The following ITGA8 variants were observed in gnomAD, a reference collection of about 807,000 sequenced individuals.
The protein encoded by ITGA8 is integrin alpha-8.
In ITGA8, 91 loss-of-function variants were observed where a neutral mutation model predicts 142.3. The observed-to-expected ratio is 0.64, with a 90% CI of 0.54 to 0.76. The LOEUF is 0.76. Among genes scored for constraint, ITGA8 ranks in the 30% least tolerant of loss-of-function variants. The pLI, the probability that ITGA8 is intolerant of heterozygous loss-of-function variation, is 0.00. For missense variants in ITGA8, 1,406 were observed against 1,327.7 expected (o/e 1.06, Z -0.92); for synonymous variants, 505 against 485.2 (o/e 1.04, Z -0.54).
intron 21 of ITGA8, among the ~76,000 whole-genome samples, chr10:15,592,644 A>C (rs1056189313): frequency 2.0e-5 from 3 of 152,184 alleles, no homozygotes; most frequent in African/African-American, 7.2e-5. Context: ...TCGCTCCGTC[A>C]CCCAGGCTGG....
chr10:15,543,286 A>T (rs890972702), intron 27 of ITGA8, among the ~76,000 whole-genome samples: 1 of 152,250 alleles, frequency 6.6e-6, no homozygotes, highest in East Asian at 1.9e-4. Flanking sequence ...TCAGGGGCAT[A>T]TCTCCTAGAA....
At chr10:15,545,821 TATTA>T (rs1833658064) in intron 27 of ITGA8, among the ~76,000 whole-genome samples, 1 of 152,266 alleles carries the variant, frequency 6.6e-6, no homozygotes, top group Admixed American at 6.5e-5. Context: ...TTAGAGTATG[TATTA>T]ATTTATTTAT....
chr10:15,642,901 A>G (rs1833896200), intron 13 of ITGA8, among the ~76,000 whole-genome samples: 1 of 152,224 alleles, frequency 6.6e-6, no homozygotes, highest in Admixed American at 6.5e-5. Context: ...CTACATATGG[A>G]AAATTCCCAA....
At chr10:15,649,679 C>T (rs1834051645) in intron 11 of ITGA8, among the ~76,000 whole-genome samples, 2 of 150,680 alleles carry the variant, frequency 1.3e-5, no homozygotes, top group South Asian at 2.1e-4. Context: ...AGATAGATGG[C>T]AAGCAAGCTT....
intron 13 of ITGA8, among the ~76,000 whole-genome samples, chr10:15,625,907 G>A (rs1033830665): frequency 3.9e-5 from 6 of 152,304 alleles, no homozygotes; most frequent in African/African-American, 1.4e-4. Context: ...TGCAGACATA[G>A]ACAAGCAAGC....
At chr10:15,714,991 A>G (rs939952692) in intron 2 of ITGA8, among the ~76,000 whole-genome samples, 1 of 152,230 alleles carries the variant, frequency 6.6e-6, no homozygotes, top group African/African-American at 2.4e-5. Flanking sequence ...TGATGTCTTG[A>G]CAGATGAATA....
chr10:15,581,125 GGTT>G (rs1263713434), intron 23 of ITGA8, among the ~76,000 whole-genome samples: 5 of 152,154 alleles, frequency 3.3e-5, no homozygotes, highest in African/African-American at 1.2e-4. Context: ...TTAGAGTAGG[GGTT>G]GTTAATACCA....
intron 20 of ITGA8, among the ~76,000 whole-genome samples, chr10:15,599,300 T>C (rs1438339916): frequency 1.3e-5 from 2 of 152,172 alleles, no homozygotes; most frequent in East Asian, 3.9e-4. Flanking sequence ...CTGCAGTTTC[T>C]GGGACATTCT....
At chr10:15,708,459 C>A (rs573760709) in intron 2 of ITGA8, among the ~76,000 whole-genome samples, 2 of 152,114 alleles carry the variant, frequency 1.3e-5, no homozygotes, top group Admixed American at 1.3e-4. Flanking sequence ...TCACTCATAT[C>A]TTTGAATCTG....
intron 25 of ITGA8, among the ~76,000 whole-genome samples, chr10:15,566,130 C>G (rs1259579985): frequency 6.6e-6 from 1 of 152,164 alleles, no homozygotes; most frequent in African/African-American, 2.4e-5. Flanking sequence ...CTCTAAAACT[C>G]TCATTCCTAA....
rs187585059 is a variant in ITGA8 at position 15,620,410 on chromosome 10, C to T, written c.1400-3851G>A. ...ATTATACGTGAGAATTTGAGGGACA[C>T]CCTCCCAACGGTAATGAGACATGGG... On this transcript the variant is annotated intron_variant, in intron 13 of 29. Coordinates refer to ENST00000378076, the MANE Select transcript of ITGA8 (RefSeq NM_003638.3). Among the ~76,000 whole-genome samples the T allele has an allele frequency of 6.4e-4, 97 of 152,258 alleles. 1 individual carries two copies. The highest frequency in any genetic ancestry group is 2.3e-3 in the African/African-American group (96 of 41,548).
intron 20 of ITGA8, 108 bp downstream of exon 20, chr10:15,604,100 C>T (rs1002576549): frequency 3.5e-5 from 34 of 968,762 alleles, no homozygotes; most frequent in Non-Finnish European, 4.9e-5. Flanking sequence ...TATCATTTTG[C>T]TGTCTTTCAT....
chr10:15,524,290 C>T (rs1833124940), intron 28 of ITGA8, among the ~76,000 whole-genome samples: 1 of 152,176 alleles, frequency 6.6e-6, no homozygotes, highest in Non-Finnish European at 1.5e-5. Flanking sequence ...ATACAGAAAA[C>T]CAACAACAGC....
intron 28 of ITGA8, among the ~76,000 whole-genome samples, chr10:15,524,633 G>A (rs1464033498): frequency 1.3e-5 from 2 of 152,190 alleles, no homozygotes; most frequent in Non-Finnish European, 2.9e-5. Context: ...GTAAAGCAAA[G>A]CTTTTCCTGA....
rs1332517322 is a variant in ITGA8, at chr10:15,672,838, T to C, written c.677-89A>G. The stretch of plus-strand genomic sequence containing the variant: ...ACCCACATTCCCTTGAAAGCTATGG[T>C]GGAATTGCTTGCTTTTTTGATGATG... On this transcript the variant is annotated intron_variant, in intron 6 of 29. Transcript: ENST00000378076. 4.5e-6 allele frequency: 6 copies of C among 1,338,650 alleles called. No homozygotes were observed. The East Asian group carries it at 1.6e-4, about 37-fold the overall frequency. The allele number at this position is 1,338,650 out of a possible 1,614,324, so 82.9% of individuals were successfully genotyped here.
rs771971863 is a variant in ITGA8 at position 15,718,726 on chromosome 10, A to C, written c.343+40T>G. 5 of 1,607,694 alleles carry C rather than the reference A, an allele frequency of 3.1e-6. No individual in the cohort carries two copies. The African/African-American group carries it at 6.7e-5, about 21-fold the overall frequency. On this transcript the variant is annotated intron_variant, in intron 2 of 29. Coordinates refer to ENST00000378076, the MANE Select transcript of ITGA8 (RefSeq NM_003638.3). ...CCTCTGGGATGGCCCTGGTTCTTCC[A>C]AACCCAGGCCCACAGCTTAGAAGGA...
chr10:15,609,795 G>A (rs1041640212), intron 15 of ITGA8, among the ~76,000 whole-genome samples: 4 of 152,052 alleles, frequency 2.6e-5, no homozygotes, highest in African/African-American at 9.7e-5. Context: ...AAAGCCATTA[G>A]CTTTTATAAA....
chr10:15,565,572 G>GTTTTTTT (rs1834062355), intron 25 of ITGA8, among the ~76,000 whole-genome samples: 3 of 55,430 alleles, frequency 5.4e-5, no homozygotes, highest in African/African-American at 1.3e-4. Context: ...TTCATGTCCT[G>GTTTTTTT]ATTTTTTTTT....
At chr10:15,525,414 G>A (rs1833153088) in intron 28 of ITGA8, among the ~76,000 whole-genome samples, 3 of 151,908 alleles carry the variant, frequency 2.0e-5, no homozygotes, top group African/African-American at 4.8e-5. Context: ...AGACCTAGGT[G>A]AGCGGATCAC....
Sources: allele counts gnomAD v4.1 joint callset (sites outside exome capture counted in the v4.1 genomes callset), GRCh38; gene constraint gnomAD v4.1.1; transcripts MANE v1.5; gene names NCBI Gene and HGNC (gene_info 2026-07-23, HGNC 2026-07-21).